ZNF630: variants seen among roughly 807,000 people sequenced by gnomAD.
The protein encoded by ZNF630 is zinc finger protein 630, also known as dJ54B20.2 (novel KRAB box containing C2H2 type zinc finger protein).
Under a neutral mutation model 7.2 loss-of-function variants are expected in ZNF630, and 5 were observed. The observed-to-expected ratio is 0.70, with a 90% CI of 0.36 to 1.46. ZNF630 has a LOEUF of 1.46. Ranked by LOEUF, ZNF630 falls within the 40% of genes most tolerant of loss-of-function variation. ZNF630 has a pLI of 0.03. For synonymous variants in ZNF630, 158 were observed against 162.8 expected, an observed-to-expected ratio of 0.97 and a Z score of 0.23; for missense variants, 461 against 477.0, an observed-to-expected ratio of 0.97 and a Z score of 0.31.
chrX:48,061,967 A>T (rs1230485059), intron 2 of ZNF630, among the ~76,000 whole-genome samples: 1 of 112,129 alleles, frequency 8.9e-6, no homozygotes, highest in Non-Finnish European at 1.9e-5. Flanking sequence ...AGAAAATAAA[A>T]TGCAAATGTT....
intron 1 of ZNF630, among the ~76,000 whole-genome samples, chrX:48,070,019 A>G (rs1985426950): frequency 9.3e-6 from 1 of 107,090 alleles, no homozygotes; most frequent in Non-Finnish European, 1.9e-5. Context: ...CACCACGCCC[A>G]GCTAATTTTT....
chrX:48,068,116 G>T (rs781808123), intron 1 of ZNF630, among the ~76,000 whole-genome samples: 3 of 103,826 alleles, frequency 2.9e-5, no homozygotes, highest in African/African-American at 7.1e-5. Context: ...AGGAAGGAAG[G>T]CAGGACAGAA....
At chrX:48,068,445 C>T (rs1372774465) in intron 1 of ZNF630, among the ~76,000 whole-genome samples, 1 of 111,514 alleles carries the variant, frequency 9.0e-6, no homozygotes, top group African/African-American at 3.3e-5. Flanking sequence ...TCAGCCCTGC[C>T]ATTGCAGGTT....
In ZNF630 at chrX:48,066,921, G is replaced by A. The variant is rs782736328; in HGVS notation, c.-35C>T. On this transcript the variant is annotated 5_prime_UTR_variant, in exon 2 of 5. Transcript: ENST00000276054. Reference sequence around the variant, plus strand: ...CTCTTTGGAAAGCAGTTGGGGGCGGGGTGGGGTGCAGAAGAGTCTTCGGAG... The same window carrying A: ...CTCTTTGGAAAGCAGTTGGGGGCGGAGTGGGGTGCAGAAGAGTCTTCGGAG... 8.3e-7 allele frequency: 1 copy of A among 1,203,615 alleles called. No individual in the cohort carries two copies. The highest frequency in any genetic ancestry group is 1.8e-5 in the South Asian group (1 of 56,377).
chrX:48,065,045 C>A (rs181920018), intron 2 of ZNF630, among the ~76,000 whole-genome samples: 76 of 111,908 alleles, frequency 6.8e-4, no homozygotes, highest in African/African-American at 2.4e-3. Flanking sequence ...AGGAACTGGA[C>A]AAATTACTTG....
In ZNF630 at chrX:48,061,936, G is replaced by C. The variant is rs782339134; in HGVS notation, c.16-991C>G. 6 of 132,512 alleles carry C rather than the reference G, an allele frequency of 4.5e-5. 1 individual carries two copies. The highest frequency in any genetic ancestry group is 6.5e-5 in the African/African-American group (2 of 30,963). The allele number at this position is 132,512 out of a possible 1,213,427, so 10.9% of individuals were successfully genotyped here. On this transcript the variant is annotated intron_variant, in intron 2 of 4. Coordinates refer to ENST00000276054, the MANE Select transcript of ZNF630 (RefSeq NM_001282201.2). ...GAGAACAGACTAATACGATGGTCAA[G>C]GGACATGACCATCATTTCACAGAAA...
At chrX:48,062,843 G>A (rs782815102) in intron 2 of ZNF630, among the ~76,000 whole-genome samples, 2 of 110,436 alleles carry the variant, frequency 1.8e-5, no homozygotes, top group Admixed American at 1.9e-4. Context: ...GGGAGGCTGA[G>A]GTGAGAGGAT....
At chrX:48,064,625 G>A (rs1436595470) in intron 2 of ZNF630, among the ~76,000 whole-genome samples, 4 of 111,588 alleles carry the variant, frequency 3.6e-5, no homozygotes, top group Non-Finnish European at 7.5e-5. Flanking sequence ...ACCATGCCTG[G>A]TTAATTTTTG....
intron 2 of ZNF630, among the ~76,000 whole-genome samples, chrX:48,063,410 A>G (rs1396429120): frequency 9.0e-6 from 1 of 111,560 alleles, no homozygotes; most frequent in African/African-American, 3.3e-5. Context: ...AAGATGCTGA[A>G]GCTTATTTAA....
chrX:48,062,682 C>T (rs550127527), intron 2 of ZNF630, among the ~76,000 whole-genome samples: 1 of 111,465 alleles, frequency 9.0e-6, no homozygotes, highest in Non-Finnish European at 1.9e-5. Flanking sequence ...TGCAGTGAGC[C>T]GAGACTGTGC....
chrX:48,066,767 C>A (rs1461813891), intron 2 of ZNF630, 105 bp downstream of exon 2: 22 of 1,021,468 alleles, frequency 2.2e-5, no homozygotes, highest in Non-Finnish European at 3.0e-5. Context: ...AGCAATTTTG[C>A]CTGTTGATCA....
rs782057377 is a variant in ZNF630 at position 48,060,468 on chromosome X, A to G, written c.220T>C (p.Ser74Pro). 2.5e-6 allele frequency: 3 copies of G among 1,206,312 alleles called. No homozygotes were observed. The South Asian group carries it at 5.3e-5, about 21-fold the overall frequency. ...KDPWIIESEL[S>P]RWIYPDRVKG... ...CACTTACCTGGGTAGATCCACCTTG[A>G]CAACTCACTCTCTATGATCCATGGG... Residue 74 changes from serine to proline, a missense_variant, in exon 4 of 5, where the codon TCA becomes CCA. Coordinates refer to ENST00000276054, the MANE Select transcript of ZNF630 (RefSeq NM_001282201.2).
intron 2 of ZNF630, among the ~76,000 whole-genome samples, chrX:48,062,823 C>T (rs1556909426): frequency 1.8e-5 from 2 of 110,348 alleles, no homozygotes; most frequent in Non-Finnish European, 3.8e-5. Context: ...ACCTATAGTC[C>T]CAGCTACTAG....
chrX:48,069,345 C>T (rs2059148561), intron 1 of ZNF630, among the ~76,000 whole-genome samples: 1 of 109,269 alleles, frequency 9.2e-6, no homozygotes, highest in African/African-American at 3.3e-5. Context: ...AAAATTAGTT[C>T]TTGGAGGCAA....
chrX:48,062,396 TGCTACAA>T (rs2059109240), intron 2 of ZNF630, among the ~76,000 whole-genome samples: 2 of 112,258 alleles, frequency 1.8e-5, no homozygotes, highest in Non-Finnish European at 3.8e-5. Flanking sequence ...GAATAAATAA[TGCTACAA>T]TCTCCATAAG....
At position 48,068,273 on chromosome X, in the gene ZNF630, AAGG is replaced by A. The variant is rs2059142921; in HGVS notation, c.-175-1215_-175-1213del. 7.8e-5 allele frequency among the ~76,000 whole-genome samples: 8 copies of A among 102,647 alleles called. No homozygotes were observed. In the South Asian group the frequency reaches 1.7e-3, roughly 22 times the overall value. The allele number at this position is 102,647 out of a possible 115,157, so 89.1% of individuals were successfully genotyped here. On this transcript the variant is annotated intron_variant, in intron 1 of 4. Transcript: ENST00000276054. Reference sequence around the variant, plus strand: ...GGAGGGAGGGAGAGAGGAAGGAAGGAAGGAAGGAAGGAAGGAAGGAAGGAAGAA... The same window carrying A: ...GGAGGGAGGGAGAGAGGAAGGAAGGAAAGGAAGGAAGGAAGGAAGGAAGAA...
Position 48,058,835 on chromosome X carries a change from A to G in ZNF630, c.1607T>C (p.Val536Ala), listed in dbSNP as rs782808200. ...QKSLLIIHLR[V>A]HTGEKPYECT... Reference sequence around the variant, plus strand: ...CTCATAAGGTTTCTCCCCTGTGTGAACTCTCAGATGAATAATGAGGAGTGA... The same window carrying G: ...CTCATAAGGTTTCTCCCCTGTGTGAGCTCTCAGATGAATAATGAGGAGTGA... Residue 536 changes from valine (V) to alanine (A), a missense_variant, in exon 5 of 5, where the codon GTT becomes GCT. Transcript: ENST00000276054. The G allele has an allele frequency of 2.2e-5, 26 of 1,205,837 alleles. No individual in the cohort carries two copies. Among genetic ancestry groups the G allele is most frequent in the Non-Finnish European group, 2.9e-5 (26 of 891,681 alleles).
Position 48,060,826 on chromosome X carries a change from G to A in ZNF630, c.135C>T (p.Val45=), listed in dbSNP as rs1556909059. 1.7e-6 allele frequency: 2 copies of A among 1,199,779 alleles called. No individual in the cohort carries two copies. Among genetic ancestry groups the A allele is most frequent in the East Asian group, 3.0e-5 (1 of 33,607 alleles). The change falls in exon 3 of 5, where the codon GTC becomes GTT. Residue 45 remains valine, a synonymous_variant. Coordinates refer to ENST00000276054, the MANE Select transcript of ZNF630 (RefSeq NM_001282201.2). ...CAGGGAATCTGCCCTTACCCACGGA[G>A]ACCAGGTGATTATAGGTCTCCAGCA... ...DVMLETYNHL[V]SVGCSGIKPD...
chrX:48,067,549 C>T (rs2059136275), intron 1 of ZNF630, among the ~76,000 whole-genome samples: 1 of 111,905 alleles, frequency 8.9e-6, no homozygotes, highest in Admixed American at 9.5e-5. Context: ...TGCGGTGGGC[C>T]AGCACGTTGG....
Sources: gnomAD v4.1 joint callset for allele counts (sites outside exome capture counted in the v4.1 genomes callset) on GRCh38, gnomAD v4.1.1 for gene constraint, MANE v1.5 for transcripts, NCBI Gene and HGNC (gene_info 2026-07-23, HGNC 2026-07-21) for gene names.